Variants in PCNX1 observed in about 807,000 individuals in gnomAD.
PCNX1 encodes the protein pecanex-like protein 1.
Under a neutral mutation model 242.2 loss-of-function variants are expected in PCNX1, and 78 were observed. The ratio of observed to expected loss-of-function variants is 0.32; its 90% CI spans 0.27 to 0.39. The LOEUF (loss-of-function observed/expected upper bound fraction) is 0.39, where lower values mean the gene tolerates loss of function less well. Ranked by LOEUF, PCNX1 falls within the 10% of genes least tolerant of loss-of-function variation. PCNX1 has a pLI of 1.00. For synonymous variants in PCNX1, 1,024 were observed against 1,032.9 expected (o/e 0.99, Z 0.17); for missense variants, 2,581 against 2,856.5 (o/e 0.90, Z 2.20).
chr14:70,919,638 A>G (rs1041703498), intron 1 of PCNX1, among the ~76,000 whole-genome samples: 3 of 143,368 alleles, frequency 2.1e-5, no homozygotes, highest in African/African-American at 7.7e-5. Flanking sequence ...CTAAATCCAT[A>G]TAGATGAACT....
rs147569476 is a variant in PCNX1 at position 70,944,432 on chromosome 14, A to G, written c.154-2483A>G. On this transcript the variant is annotated intron_variant, in intron 1 of 35. Transcript: ENST00000304743. ...GCCTGTAGTCCCTTTGTTTTGGCCA[A>G]TTTCTCCCATTTGGAATGAGTGTAT... 8.1e-3 allele frequency among the ~76,000 whole-genome samples: 1,232 copies of G among 152,238 alleles called. 3 individuals are homozygous for G. Among genetic ancestry groups the G allele is most frequent in the Middle Eastern group, 0.02 (6 of 294 alleles).
intron 29 of PCNX1, 44 bp downstream of exon 29, chr14:71,088,474 T>G (rs2141643391): frequency 9.0e-7 from 1 of 1,116,972 alleles, no homozygotes; most frequent in Non-Finnish European, 1.4e-6. Context: ...CATGGGAAGC[T>G]GTATAGCCTA....
At chr14:70,926,473 C>G (rs1457297334) in intron 1 of PCNX1, among the ~76,000 whole-genome samples, 1 of 152,174 alleles carries the variant, frequency 6.6e-6, no homozygotes, top group Non-Finnish European at 1.5e-5. Flanking sequence ...GCAAGAGAAG[C>G]ACTTGCTGCC....
At chr14:71,033,773 G>T (rs2060455850) in intron 17 of PCNX1, among the ~76,000 whole-genome samples, 158 bp from the exon 18 acceptor site, 1 of 151,988 alleles carries the variant, frequency 6.6e-6, no homozygotes, top group Non-Finnish European at 1.5e-5. Context: ...TTCACTGTAT[G>T]CTTATTTATG....
intron 28 of PCNX1, among the ~76,000 whole-genome samples, chr14:71,077,841 A>C (rs1333627812): frequency 1.7e-4 from 26 of 152,192 alleles, no homozygotes. Flanking sequence ...GGGGAGAGTA[A>C]TGGGAACAGT....
intron 5 of PCNX1, among the ~76,000 whole-genome samples, chr14:70,973,728 A>G (rs2058608699): frequency 1.3e-5 from 2 of 152,078 alleles, no homozygotes; most frequent in South Asian, 4.1e-4. Flanking sequence ...TCAGAGAGAG[A>G]AAGAAGGTAT....
intron 1 of PCNX1, among the ~76,000 whole-genome samples, chr14:70,945,578 C>CT (rs11302936): frequency 4.0e-4 from 60 of 150,690 alleles, no homozygotes; most frequent in African/African-American, 4.4e-4. Context: ...AAAAACTTTT[C>CT]TTTTTTTTTT....
At chr14:71,002,309 A>G (rs951670719) in intron 8 of PCNX1, among the ~76,000 whole-genome samples, 1 of 152,230 alleles carries the variant, frequency 6.6e-6, no homozygotes, top group Admixed American at 6.5e-5. Flanking sequence ...GTTTGCTGCT[A>G]CATGCTCATC....
rs375020160 is a variant in PCNX1, at chr14:71,091,029, G to A, written c.5589+1687G>A. Among the ~76,000 whole-genome samples, 550 of 152,242 alleles carry A rather than the reference G, an allele frequency of 3.6e-3. 1 individual carries two copies. Among genetic ancestry groups the A allele is most frequent in the African/African-American group, 0.013 (533 of 41,536 alleles). Reference sequence around the variant, plus strand: ...TATAGCACACTCCCATCATTAGCCTGGACTGACAACATTTATAAACAGGGA... The same window carrying A: ...TATAGCACACTCCCATCATTAGCCTAGACTGACAACATTTATAAACAGGGA... On this transcript the variant is annotated intron_variant, in intron 30 of 35. Coordinates refer to ENST00000304743, the MANE Select transcript of PCNX1 (RefSeq NM_014982.3).
chr14:71,014,765 C>T (rs1294834618), intron 11 of PCNX1, among the ~76,000 whole-genome samples: 1 of 151,954 alleles, frequency 6.6e-6, no homozygotes, highest in Non-Finnish European at 1.5e-5. Flanking sequence ...CAAGAGGAAA[C>T]AAGGAGACAA....
chr14:71,017,255 A>C (rs1366260554), intron 11 of PCNX1, among the ~76,000 whole-genome samples: 1 of 152,208 alleles, frequency 6.6e-6, no homozygotes, highest in Non-Finnish European at 1.5e-5. Flanking sequence ...CCACAAAGAA[A>C]ACTCTAGGCC....
intron 5 of PCNX1, among the ~76,000 whole-genome samples, chr14:70,975,232 CATT>C: frequency 6.6e-6 from 1 of 151,684 alleles, no homozygotes; most frequent in African/African-American, 2.4e-5. Flanking sequence ...TTAGAAATAA[CATT>C]ATAATTTAAT....
At chr14:70,963,704 T>C (rs1468637471) in intron 3 of PCNX1, among the ~76,000 whole-genome samples, 1 of 152,232 alleles carries the variant, frequency 6.6e-6, no homozygotes, top group East Asian at 1.9e-4. Flanking sequence ...CTTTCTCTCT[T>C]TTGTCTTTCT....
In PCNX1 at chr14:71,108,660, C is replaced by G. The variant is rs539583285; in HGVS notation, c.6358C>G (p.Arg2120Gly). 4 of 1,614,178 alleles carry G rather than the reference C, an allele frequency of 2.5e-6. No individual in the cohort carries two copies. The African/African-American group carries it at 4.0e-5, about 16-fold the overall frequency. Residue 2120 changes from arginine to glycine, a missense_variant, in exon 34 of 36, where the codon CGG becomes GGG. Coordinates refer to ENST00000304743, the MANE Select transcript of PCNX1 (RefSeq NM_014982.3). ...QSGLVRQSPARASVASQSSYC... is the reference protein window; with the variant it reads ...QSGLVRQSPAGASVASQSSYC... Reference sequence around the variant, plus strand: ...GGGCCTGGTCAGACAGTCTCCTGCCCGGGCCTCAGTAGCCAGCCAGTCTTC... The same window carrying G: ...GGGCCTGGTCAGACAGTCTCCTGCCGGGGCCTCAGTAGCCAGCCAGTCTTC...
intron 18 of PCNX1, among the ~76,000 whole-genome samples, chr14:71,034,921 A>G (rs956014929): frequency 3.3e-5 from 5 of 152,244 alleles, no homozygotes; most frequent in Non-Finnish European, 7.3e-5. Flanking sequence ...CAAAGAGATC[A>G]AGAGGTTTCT....
intron 2 of PCNX1, among the ~76,000 whole-genome samples, chr14:70,953,552 C>T (rs1209891971): frequency 2.0e-5 from 3 of 150,990 alleles, no homozygotes; most frequent in African/African-American, 7.3e-5. Context: ...TGTGGCTTGT[C>T]ATTTTGCTTT....
intron 24 of PCNX1, among the ~76,000 whole-genome samples, chr14:71,054,561 T>A (rs1040497153): frequency 2.0e-5 from 3 of 152,216 alleles, no homozygotes; most frequent in Admixed American, 1.3e-4. Flanking sequence ...AGGCTCACTT[T>A]CTTTATTTTT....
At chr14:70,930,441 G>A (rs1266304911) in intron 1 of PCNX1, among the ~76,000 whole-genome samples, 2 of 152,014 alleles carry the variant, frequency 1.3e-5, no homozygotes, top group Non-Finnish European at 2.9e-5. Flanking sequence ...TAGGTGATGT[G>A]GCATAAATTT....
At chr14:71,100,045 G>A (rs951409568) in intron 30 of PCNX1, among the ~76,000 whole-genome samples, 6 of 151,888 alleles carry the variant, frequency 4.0e-5, no homozygotes, top group Non-Finnish European at 8.8e-5. Flanking sequence ...CTTTTAAGTG[G>A]GGTGTTTAGA....
Sources: gnomAD v4.1 joint callset for allele counts (sites outside exome capture counted in the v4.1 genomes callset) on GRCh38, gnomAD v4.1.1 for gene constraint, MANE v1.5 for transcripts, NCBI Gene and HGNC (gene_info 2026-07-23, HGNC 2026-07-21) for gene names.